Variants in NFIA observed in about 807,000 individuals in gnomAD.
NFIA encodes nuclear factor I A.
In NFIA, 8 loss-of-function variants were observed where a neutral mutation model predicts 62.8. The ratio of observed to expected loss-of-function variants is 0.13; its 90% confidence interval spans 0.07 to 0.23. The LOEUF is 0.23. NFIA is among the 10% of genes least tolerant of loss of function. The pLI is 1.00. For synonymous variants in NFIA, 235 were observed against 238.1 expected (o/e 0.99, Z 0.12); for missense variants, 410 against 642.1 (o/e 0.64, Z 3.91).
chr1:61,334,551 GTGTGTATATATATATATA>G (rs1661485681), intron 4 of NFIA, among the ~76,000 whole-genome samples: 1 of 50,270 alleles, frequency 2.0e-5, no homozygotes, highest in Admixed American at 2.1e-4. Context: ...GTGTGTGTGT[GTGTGTATATATATATATA>G]TATATATATA....
intron 2 of NFIA, among the ~76,000 whole-genome samples, chr1:61,130,082 T>C (rs1265751404): frequency 6.6e-6 from 1 of 152,152 alleles, no homozygotes. Context: ...CAGTGATTGC[T>C]TCAAGCATGA....
At chr1:61,210,091 A>G (rs1653150688) in intron 2 of NFIA, among the ~76,000 whole-genome samples, 1 of 152,146 alleles carries the variant, frequency 6.6e-6, no homozygotes, top group South Asian at 2.1e-4. Flanking sequence ...ATAGAAACTG[A>G]TGGTAGCCAG....
chr1:61,106,100 C>CATCTATCTATCTATCTATCTATCTATCT, intron 2 of NFIA, among the ~76,000 whole-genome samples: 1 of 149,156 alleles, frequency 6.7e-6, no homozygotes, highest in East Asian at 2.0e-4. Context: ...CTCTCTCATG[C>CATCTATCTATCTATCTATCTATCTATCT]ATCTATCTAT....
At chr1:61,169,795 T>G (rs531006779) in intron 2 of NFIA, among the ~76,000 whole-genome samples, 22 of 152,336 alleles carry the variant, frequency 1.4e-4, no homozygotes, top group South Asian at 1.2e-3. Flanking sequence ...TCTTTGGTGT[T>G]CTCTGTGAAT....
At chr1:61,092,883 T>G (rs1646344642) in intron 2 of NFIA, among the ~76,000 whole-genome samples, 1 of 151,994 alleles carries the variant, frequency 6.6e-6, no homozygotes, top group Non-Finnish European at 1.5e-5. Context: ...GGCGTGTGTG[T>G]GCTTCGTGTG....
At chr1:61,281,260 GAAAT>G (rs1658114056) in intron 3 of NFIA, among the ~76,000 whole-genome samples, 2 of 151,318 alleles carry the variant, frequency 1.3e-5, no homozygotes, top group African/African-American at 4.9e-5. Flanking sequence ...GAAAAGAAAA[GAAAT>G]AAAATACTAA....
intron 3 of NFIA, among the ~76,000 whole-genome samples, chr1:61,299,726 T>A (rs184573261): frequency 6.6e-6 from 1 of 152,284 alleles, no homozygotes; most frequent in Non-Finnish European, 1.5e-5. Context: ...TGTATTACAA[T>A]GCTCTGTTTT....
chr1:61,306,241 C>G (rs1659779856), intron 3 of NFIA, among the ~76,000 whole-genome samples: 1 of 146,950 alleles, frequency 6.8e-6, no homozygotes, highest in African/African-American at 2.5e-5. Context: ...GCCATTTCAC[C>G]TATCATCCTG....
chr1:61,197,991 AAG>A (rs1275595325), intron 2 of NFIA, among the ~76,000 whole-genome samples: 1 of 152,264 alleles, frequency 6.6e-6, no homozygotes, highest in East Asian at 1.9e-4. Flanking sequence ...GAAAGAAAGA[AAG>A]AGAGAAAGAA....
At chr1:61,330,625 C>A (rs745991866) in intron 3 of NFIA, among the ~76,000 whole-genome samples, 2 of 152,086 alleles carry the variant, frequency 1.3e-5, no homozygotes, top group Non-Finnish European at 2.9e-5. Context: ...CCTAAATCAC[C>A]CTAGCCTTTA....
intron 2 of NFIA, among the ~76,000 whole-genome samples, chr1:61,263,643 AGAG>A (rs1656912676): frequency 6.6e-6 from 1 of 152,340 alleles, no homozygotes; most frequent in South Asian, 2.1e-4. Flanking sequence ...GTTCTAACAC[AGAG>A]ACACTCCATG....
chr1:61,291,634 C>T (rs1235854658), intron 3 of NFIA, among the ~76,000 whole-genome samples: 1 of 152,190 alleles, frequency 6.6e-6, no homozygotes, highest in Non-Finnish European at 1.5e-5. Flanking sequence ...GTGCCTGCTT[C>T]ATCTTTCTTG....
intron 10 of NFIA, among the ~76,000 whole-genome samples, chr1:61,427,229 G>A (rs762533336): frequency 3.9e-5 from 6 of 152,130 alleles, no homozygotes; most frequent in Non-Finnish European, 7.3e-5. Context: ...CTAGGTCAAG[G>A]AGAAGAAATA....
At chr1:61,185,880 G>A (rs1051733231) in intron 2 of NFIA, among the ~76,000 whole-genome samples, 2 of 151,966 alleles carry the variant, frequency 1.3e-5, no homozygotes. Flanking sequence ...ACTAATAACA[G>A]TCTGAAATGC....
intron 3 of NFIA, among the ~76,000 whole-genome samples, chr1:61,293,664 A>G (rs1170092086): frequency 6.6e-6 from 1 of 152,162 alleles, no homozygotes. Flanking sequence ...CTCTAATTCA[A>G]TTTAGTAGAT....
intron 7 of NFIA, among the ~76,000 whole-genome samples, chr1:61,388,450 G>A (rs1370458775): frequency 6.6e-6 from 1 of 152,154 alleles, no homozygotes; most frequent in Non-Finnish European, 1.5e-5. Flanking sequence ...GGTCTAACTT[G>A]TTAGAGAATT....
At chr1:61,078,042 T>C (rs545995522), upstream of NFIA, among the ~76,000 whole-genome samples, 5 of 152,192 alleles carry the variant, frequency 3.3e-5, no homozygotes, top group East Asian at 7.7e-4. Context: ...TAATTGACGA[T>C]TTGATCCTCT....
intron 2 of NFIA, among the ~76,000 whole-genome samples, chr1:61,131,732 T>C (rs143757620): frequency 1.8e-4 from 27 of 152,282 alleles, no homozygotes; most frequent in African/African-American, 6.5e-4. Flanking sequence ...ATTAATGATT[T>C]TGGTTTCATT....
chr1:61,381,191 T>A (rs1378217485), intron 6 of NFIA, among the ~76,000 whole-genome samples: 4 of 152,164 alleles, frequency 2.6e-5, no homozygotes, highest in Non-Finnish European at 5.9e-5. Flanking sequence ...AGTTCAGGCA[T>A]TGGACTAAAT....
Sources: gnomAD v4.1 joint callset for allele counts (sites outside exome capture counted in the v4.1 genomes callset) on GRCh38, gnomAD v4.1.1 for gene constraint, MANE v1.5 for transcripts, NCBI Gene and HGNC (gene_info 2026-07-23, HGNC 2026-07-21) for gene names.